Variants in FOXJ3 observed in about 807,000 individuals in gnomAD.
FOXJ3 encodes the protein forkhead box protein J3.
A neutral mutation model predicts 76.1 loss-of-function variants in FOXJ3; 22 were observed. The observed-to-expected ratio is 0.29, with a 90% confidence interval of 0.21 to 0.41. The LOEUF is 0.41. Among genes scored for constraint, FOXJ3 ranks in the 10% least tolerant of loss-of-function variants. The probability of loss-of-function intolerance (pLI) is 1.00; values close to 1 mark genes in which losing one functional copy is unlikely to be tolerated. For synonymous variants in FOXJ3, 269 were observed against 261.2 expected (o/e 1.03, Z -0.29); for missense variants, 613 against 762.1 (o/e 0.80, Z 2.30).
intron 4 of FOXJ3, among the ~76,000 whole-genome samples, chr1:42,260,355 A>G (rs920770799): frequency 1.3e-5 from 2 of 152,218 alleles, no homozygotes; most frequent in African/African-American, 2.4e-5. Context: ...AAGAAAGATC[A>G]GTCAACTATG....
intron 1 of FOXJ3, among the ~76,000 whole-genome samples, chr1:42,332,768 T>C (rs937778766): frequency 2.0e-5 from 3 of 152,186 alleles, no homozygotes. Flanking sequence ...TTGATATCAT[T>C]TGTACATTGC....
chr1:42,324,104 G>GTATATACAGTA lies in FOXJ3; in HGVS notation c.-18+10954_-18+10955insTACTGTATATA, dbSNP rs1655625211. 9.0e-5 allele frequency among the ~76,000 whole-genome samples: 8 copies of GTATATACAGTA among 88,942 alleles called. 2 individuals carry two copies. Among genetic ancestry groups the GTATATACAGTA allele is most frequent in the African/African-American group, 3.0e-4 (6 of 19,696 alleles). 58.3% of individuals were successfully genotyped at this position (88,942 alleles called of 152,430 possible). On this transcript the variant is annotated intron_variant, in intron 1 of 12. Transcript: ENST00000361346. Reference sequence around the variant, plus strand: ...AGTATATATACTGTATATATACTGTGTATATACACTGTATATACACAGTGT... The same window carrying GTATATACAGTA: ...AGTATATATACTGTATATATACTGTGTATATACAGTATATATACACTGTATATACACAGTGT...
At chr1:42,301,068 A>C (rs1189048910) in intron 2 of FOXJ3, among the ~76,000 whole-genome samples, 1 of 152,188 alleles carries the variant, frequency 6.6e-6, no homozygotes, top group Non-Finnish European at 1.5e-5. Context: ...CTCTTCCCAG[A>C]CTAGGGAAGT....
chr1:42,201,664 C>G (rs1471364467), intron 6 of FOXJ3, among the ~76,000 whole-genome samples: 2 of 152,132 alleles, frequency 1.3e-5, no homozygotes, highest in Non-Finnish European at 2.9e-5. Context: ...GCTCATGAGA[C>G]TGGCTGAAAA....
intron 5 of FOXJ3, 75 bp from the exon 6 acceptor site, chr1:42,205,938 A>C: frequency 1.1e-4 from 88 of 794,520 alleles, no homozygotes; most frequent in Non-Finnish European, 1.5e-4. Context: ...AAGGGATCTC[A>C]TCAAATTCTT....
chr1:42,269,345 C>G (rs1349779697), intron 3 of FOXJ3, among the ~76,000 whole-genome samples: 1 of 152,162 alleles, frequency 6.6e-6, no homozygotes, highest in Admixed American at 6.6e-5. Flanking sequence ...AAACAAGTAT[C>G]ATTAGTAAAT....
chr1:42,284,132 C>G (rs1468408836), intron 2 of FOXJ3, among the ~76,000 whole-genome samples: 1 of 152,094 alleles, frequency 6.6e-6, no homozygotes. Context: ...ATAAAAGAGT[C>G]TCTATTAGCA....
rs767092321 is a variant in FOXJ3, at chr1:42,334,091, A to G, written c.-18+968T>C. The stretch of plus-strand genomic sequence containing the variant: ...AACACGGAATAGTAAAACCTTTGCT[A>G]ACCAGACACACAAAAAGTAAAACAG... On this transcript the variant is annotated intron_variant, in intron 1 of 12. Transcript: ENST00000361346. 7.6e-6 allele frequency: 7 copies of G among 923,804 alleles called. No individual in the cohort carries two copies. In the South Asian group the frequency reaches 3.5e-4, roughly 46 times the overall value. The allele number at this position is 923,804 out of a possible 1,614,324, so 57.2% of individuals were successfully genotyped here.
intron 9 of FOXJ3, among the ~76,000 whole-genome samples, chr1:42,191,052 A>C (rs1646531171): frequency 6.6e-6 from 1 of 152,196 alleles, no homozygotes; most frequent in East Asian, 1.9e-4. Context: ...AAGATAATGT[A>C]TCTAAATTAT....
intron 2 of FOXJ3, among the ~76,000 whole-genome samples, chr1:42,297,550 T>C (rs1653866581): frequency 6.6e-6 from 1 of 152,238 alleles, no homozygotes; most frequent in Non-Finnish European, 1.5e-5. Flanking sequence ...GTTCTATTTA[T>C]GTGGTGAATC....
At chr1:42,254,304 G>A (rs1487361537) in intron 4 of FOXJ3, among the ~76,000 whole-genome samples, 2 of 147,790 alleles carry the variant, frequency 1.4e-5, no homozygotes, top group African/African-American at 5.0e-5. Context: ...TCATTAAAAA[G>A]TCAGGAAACA....
At chr1:42,249,415 A>G (rs1424890066) in intron 4 of FOXJ3, among the ~76,000 whole-genome samples, 15 of 152,210 alleles carry the variant, frequency 9.9e-5, no homozygotes, top group Admixed American at 9.8e-4. Context: ...AAGGTTAAGA[A>G]CTCAAAGGAT....
intron 4 of FOXJ3, among the ~76,000 whole-genome samples, chr1:42,246,924 C>G (rs1010074709): frequency 2.1e-4 from 32 of 152,074 alleles, no homozygotes; most frequent in African/African-American, 7.7e-4. Context: ...AAGCCAGGCA[C>G]AGAAATACAA....
At position 42,178,859 on chromosome 1, in the gene FOXJ3, C is replaced by G. The variant is rs1034932964; in HGVS notation, c.*851G>C. 1.3e-5 allele frequency: 2 copies of G among 152,656 alleles called. No homozygotes were observed. The highest frequency in any genetic ancestry group is 4.8e-5 in the African/African-American group (2 of 41,466). 9.5% of individuals were successfully genotyped at this position (152,656 alleles called of 1,614,324 possible). On this transcript the variant is annotated 3_prime_UTR_variant, in exon 13 of 13. Transcript: ENST00000361346. ...CTTAATGAACCCGACAGGAGCTAAG[C>G]ATTCACAGAAGGTAGCAATAAATAT... is the stretch of plus-strand genomic sequence containing the variant.
intron 4 of FOXJ3, among the ~76,000 whole-genome samples, chr1:42,255,729 T>C (rs1010133901): frequency 1.3e-5 from 2 of 152,182 alleles, no homozygotes; most frequent in East Asian, 3.9e-4. Context: ...AAGAGCATTT[T>C]AAGAAATTAA....
At chr1:42,324,087 TACTGTATATATACTGTGTATATAC>T (rs375839533) in intron 1 of FOXJ3, among the ~76,000 whole-genome samples, 851 of 16,674 alleles carry the variant, frequency 0.051, 112 homozygotes, top group Middle Eastern at 0.12. Flanking sequence ...ATAGTATATA[TACTGTATATATACTGTGTATATAC>T]ACTGTATATA....
At chr1:42,216,641 G>T (rs932615437) in intron 5 of FOXJ3, among the ~76,000 whole-genome samples, 10 of 152,164 alleles carry the variant, frequency 6.6e-5, no homozygotes, top group African/African-American at 1.7e-4. Flanking sequence ...CAACTATGGG[G>T]TATAGCGAGG....
At chr1:42,309,619 C>G (rs1654684826) in intron 2 of FOXJ3, among the ~76,000 whole-genome samples, 1 of 152,188 alleles carries the variant, frequency 6.6e-6, no homozygotes, top group Non-Finnish European at 1.5e-5. Context: ...ATGTTATGCT[C>G]ATTGCTATGC....
intron 11 of FOXJ3, among the ~76,000 whole-genome samples, chr1:42,184,768 C>A (rs1646400872): frequency 6.6e-6 from 1 of 152,018 alleles, no homozygotes. Context: ...AAGGCATCCC[C>A]TGAGCAGGTG....
Sources: gnomAD v4.1 joint callset for allele counts (sites outside exome capture counted in the v4.1 genomes callset) on GRCh38, gnomAD v4.1.1 for gene constraint, MANE v1.5 for transcripts, NCBI Gene and HGNC (gene_info 2026-07-23, HGNC 2026-07-21) for gene names.